The following LMBR1 variants were observed in gnomAD, a reference collection of about 807,000 sequenced individuals.
LMBR1 encodes limb development membrane protein 1.
LMBR1 carries 52 observed loss-of-function variants against 73.9 expected under a neutral mutation model. The observed-to-expected ratio is 0.70, with a 90% CI of 0.56 to 0.89. The LOEUF (loss-of-function observed/expected upper bound fraction) is 0.89, where lower values mean the gene tolerates loss of function less well. Among genes scored for constraint, LMBR1 ranks in the 40% least tolerant of loss-of-function variants. LMBR1 has a pLI of 0.00. For synonymous variants in LMBR1, 215 were observed against 209.4 expected, an observed-to-expected ratio of 1.03 and a Z score of -0.23; for missense variants, 539 against 579.8, an observed-to-expected ratio of 0.93 and a Z score of 0.72.
intron 1 of LMBR1, among the ~76,000 whole-genome samples, chr7:156,891,436 A>C (rs994942800): frequency 4.6e-5 from 7 of 151,864 alleles, no homozygotes; most frequent in Non-Finnish European, 8.8e-5. Flanking sequence ...ACATTGTACA[A>C]GAAACTGGAC....
chr7:156,875,602 G>T (rs900121116), intron 1 of LMBR1, among the ~76,000 whole-genome samples: 1 of 152,052 alleles, frequency 6.6e-6, no homozygotes, highest in African/African-American at 2.4e-5. Flanking sequence ...AAAAACCAGA[G>T]TAACTGCAGA....
chr7:156,681,316 C>T lies in LMBR1; in HGVS notation c.*2762G>A. On this transcript the variant is annotated 3_prime_UTR_variant, in exon 17 of 17. Coordinates refer to ENST00000353442, the MANE Select transcript of LMBR1 (RefSeq NM_022458.4). ...ATCTGAGAGCAAAACGCGAGAGGCTCCGTCCATCTCTACTAACCAGCACCT... is the reference window on the plus strand; with the variant it reads ...ATCTGAGAGCAAAACGCGAGAGGCTTCGTCCATCTCTACTAACCAGCACCT... 2.7e-6 allele frequency: 1 copy of T among 366,264 alleles called. No homozygotes were observed. Among genetic ancestry groups the T allele is most frequent in the East Asian group, 8.1e-5 (1 of 12,374 alleles). The allele number at this position is 366,264 out of a possible 1,614,324, so 22.7% of individuals were successfully genotyped here.
intron 4 of LMBR1, among the ~76,000 whole-genome samples, chr7:156,826,144 T>G (rs1465642830): frequency 6.6e-6 from 1 of 152,074 alleles, no homozygotes; most frequent in Non-Finnish European, 1.5e-5. Context: ...CATGCCTGGC[T>G]AATTTTTATA....
chr7:156,687,497 T>C (rs138831620), intron 16 of LMBR1, among the ~76,000 whole-genome samples: 5 of 152,350 alleles, frequency 3.3e-5, no homozygotes, highest in Admixed American at 2.6e-4. Context: ...TTACAATACA[T>C]GTGACTCTTG....
chr7:156,861,628 C>T (rs1247654566), intron 1 of LMBR1, among the ~76,000 whole-genome samples: 1 of 152,152 alleles, frequency 6.6e-6, no homozygotes, highest in Non-Finnish European at 1.5e-5. Context: ...AACTTCTATG[C>T]TCTGTTTTCC....
chr7:156,775,822 T>C (rs1321584067), intron 5 of LMBR1, among the ~76,000 whole-genome samples: 1 of 151,940 alleles, frequency 6.6e-6, no homozygotes, highest in African/African-American at 2.4e-5. Context: ...CAAAAAAGCT[T>C]TTAAAAAATA....
chr7:156,753,959 TG>T (rs1293236066), intron 9 of LMBR1, among the ~76,000 whole-genome samples: 1 of 152,214 alleles, frequency 6.6e-6, no homozygotes, highest in Non-Finnish European at 1.5e-5. Context: ...TACAAATTCT[TG>T]TCCTTTTTTC....
At chr7:156,855,221 A>T (rs1796850271) in intron 1 of LMBR1, among the ~76,000 whole-genome samples, 1 of 152,244 alleles carries the variant, frequency 6.6e-6, no homozygotes, top group South Asian at 2.1e-4. Flanking sequence ...TGTTAAGAAT[A>T]ATTTTTTTAA....
chr7:156,847,337 C>G (rs957021197), intron 1 of LMBR1, among the ~76,000 whole-genome samples: 37 of 152,104 alleles, frequency 2.4e-4, no homozygotes, highest in Non-Finnish European at 2.9e-5. Flanking sequence ...TGTGAGACTC[C>G]TAGAAGATAA....
chr7:156,692,375 C>G (rs986683318), intron 15 of LMBR1, among the ~76,000 whole-genome samples: 1 of 152,196 alleles, frequency 6.6e-6, no homozygotes, highest in African/African-American at 2.4e-5. Flanking sequence ...CTGTGCCCAG[C>G]TGACTTTACC....
In LMBR1 at chr7:156,683,927, T is replaced by C. The variant is rs1228400336; in HGVS notation, c.*151A>G. On this transcript the variant is annotated 3_prime_UTR_variant, in exon 17 of 17. Transcript: ENST00000353442. ...TAAAAAAGATCAGCCATAGCCAAGT[T>C]CTTCGTAGATTATGAAAAAAAAATG... 1 of 667,182 alleles carries C rather than the reference T, an allele frequency of 1.5e-6. No homozygotes were observed. Among genetic ancestry groups the C allele is most frequent in the Non-Finnish European group, 2.6e-6 (1 of 377,398 alleles). 41.3% of individuals were successfully genotyped at this position (667,182 alleles called of 1,614,324 possible). A position where few individuals can be genotyped will look rare whatever the true frequency, so the allele number is the denominator to read the frequency against.
At chr7:156,804,689 T>A (rs1265476809) in intron 4 of LMBR1, among the ~76,000 whole-genome samples, 4 of 152,190 alleles carry the variant, frequency 2.6e-5, no homozygotes, top group Non-Finnish European at 2.9e-5. Flanking sequence ...TGCCCATTTT[T>A]TCATTTTTTT....
chr7:156,846,702 T>A (rs928199724), intron 1 of LMBR1, among the ~76,000 whole-genome samples: 1 of 152,118 alleles, frequency 6.6e-6, no homozygotes, highest in African/African-American at 2.4e-5. Flanking sequence ...AAATTTTACA[T>A]GGAGAAGCAA....
At chr7:156,691,726 C>T (rs558424185) in intron 15 of LMBR1, among the ~76,000 whole-genome samples, 4 of 151,570 alleles carry the variant, frequency 2.6e-5, no homozygotes, top group African/African-American at 7.3e-5. Flanking sequence ...AGAAAGAACA[C>T]GTACATCTTG....
At chr7:156,840,128 T>A (rs1838387330) in intron 1 of LMBR1, among the ~76,000 whole-genome samples, 1 of 152,218 alleles carries the variant, frequency 6.6e-6, no homozygotes, top group South Asian at 2.1e-4. Context: ...TTTTATTCAT[T>A]CAAATAAAAA....
At chr7:156,888,763 T>A (rs1802380974) in intron 1 of LMBR1, among the ~76,000 whole-genome samples, 1 of 147,560 alleles carries the variant, frequency 6.8e-6, no homozygotes. Context: ...TACAAAAAAT[T>A]AAAAAATGAG....
At chr7:156,767,928 T>G (rs1341716330) in intron 5 of LMBR1, among the ~76,000 whole-genome samples, 1 of 152,156 alleles carries the variant, frequency 6.6e-6, no homozygotes. Flanking sequence ...GAGTCTGGTT[T>G]AAATACAGAA....
At chr7:156,886,459 C>A (rs1255561509) in intron 1 of LMBR1, among the ~76,000 whole-genome samples, 1 of 152,120 alleles carries the variant, frequency 6.6e-6, no homozygotes, top group Non-Finnish European at 1.5e-5. Context: ...ACAATGAGGC[C>A]CTGTAGTCAG....
At chr7:156,741,421 T>C (rs1055027869) in intron 9 of LMBR1, among the ~76,000 whole-genome samples, 3 of 152,158 alleles carry the variant, frequency 2.0e-5, no homozygotes, top group Admixed American at 6.5e-5. Context: ...ACGTTACCTA[T>C]ACAGATACGA....
Sources: gnomAD v4.1 joint callset for allele counts (sites outside exome capture counted in the v4.1 genomes callset) on GRCh38, gnomAD v4.1.1 for gene constraint, MANE v1.5 for transcripts, NCBI Gene and HGNC (gene_info 2026-07-23, HGNC 2026-07-21) for gene names.